The following FRAS1 variants were observed in gnomAD, a reference collection of about 807,000 sequenced individuals.
The protein encoded by FRAS1 is Fraser extracellular matrix complex subunit 1.
A neutral mutation model predicts 435.2 loss-of-function variants in FRAS1; 290 were observed. That is an observed-to-expected ratio of 0.67 (90% confidence interval 0.61 to 0.73). FRAS1 has a LOEUF of 0.73. FRAS1 is among the 30% of genes least tolerant of loss of function. The pLI, the probability that FRAS1 is intolerant of heterozygous loss-of-function variation, is 0.00. For synonymous variants in FRAS1, 1,800 were observed against 1,851.0 expected, an observed-to-expected ratio of 0.97 and a Z score of 0.71; for missense variants, 4,860 against 5,001.5, an observed-to-expected ratio of 0.97 and a Z score of 0.85.
Position 78,232,539 on chromosome 4 carries a change from C to T in FRAS1, c.109-4971C>T, listed in dbSNP as rs368456722. On this transcript the variant is annotated intron_variant, in intron 2 of 73. Transcript: ENST00000512123. ...TGACCTCGTGATCTGCCTGCCTCAG[C>T]CTCCCAAAGTGCTGGGATTACAGGC... 6.2e-4 allele frequency among the ~76,000 whole-genome samples: 94 copies of T among 152,266 alleles called. 2 individuals are homozygous for T. In the East Asian group the frequency reaches 0.01, roughly 16 times the overall value.
intron 2 of FRAS1, among the ~76,000 whole-genome samples, chr4:78,211,800 A>G (rs1723517070): frequency 6.6e-6 from 1 of 152,134 alleles, no homozygotes; most frequent in Non-Finnish European, 1.5e-5. Context: ...TATGTTTCTC[A>G]ATTTTTTAAA....
intron 38 of FRAS1, among the ~76,000 whole-genome samples, chr4:78,436,039 T>A (rs1483974964): frequency 6.6e-6 from 1 of 152,138 alleles, no homozygotes; most frequent in Non-Finnish European, 1.5e-5. Context: ...TTGACTATAT[T>A]AAAAATTAAA....
In FRAS1 at chr4:78,161,742, C is replaced by CAAAAAAAAAAAAAAAAAAAA. The variant is rs71214399; in HGVS notation, c.109-75757_109-75738dup. On this transcript the variant is annotated intron_variant, in intron 2 of 73. Transcript: ENST00000512123. ...GGGCAACAAGAGCAAAACTCTGTCT[C>CAAAAAAAAAAAAAAAAAAAA]AAAAAAAAAAAAAAAAAAAAAAAAA... 8.6e-3 allele frequency among the ~76,000 whole-genome samples: 214 copies of CAAAAAAAAAAAAAAAAAAAA among 24,928 alleles called. 4 individuals are homozygous for CAAAAAAAAAAAAAAAAAAAA. Among genetic ancestry groups the CAAAAAAAAAAAAAAAAAAAA allele is most frequent in the East Asian group, 0.016 (11 of 682 alleles). The allele number at this position is 24,928 out of a possible 152,430, so 16.4% of individuals were successfully genotyped here.
At chr4:78,447,201 G>T (rs1473919845) in intron 43 of FRAS1, among the ~76,000 whole-genome samples, 2 of 144,744 alleles carry the variant, frequency 1.4e-5, no homozygotes, top group African/African-American at 5.2e-5. Flanking sequence ...GTCTTCTCAG[G>T]GTAGACATCA....
chr4:78,131,451 T>C (rs1156428343), intron 2 of FRAS1, among the ~76,000 whole-genome samples: 1 of 152,242 alleles, frequency 6.6e-6, no homozygotes, highest in Non-Finnish European at 1.5e-5. Flanking sequence ...ACTATTTCTT[T>C]GGATAGCAAG....
chr4:78,128,302 G>T (rs550432018), intron 2 of FRAS1, among the ~76,000 whole-genome samples: 171 of 152,250 alleles, frequency 1.1e-3, no homozygotes, highest in Admixed American at 2.0e-3. Context: ...GGTATTTCTA[G>T]TTCTAGATCT....
At chr4:78,277,483 A>G (rs569702312) in intron 9 of FRAS1, among the ~76,000 whole-genome samples, 1 of 152,222 alleles carries the variant, frequency 6.6e-6, no homozygotes, top group East Asian at 1.9e-4. Context: ...TAGAAAGTAG[A>G]TATGTCTTTT....
chr4:78,491,287 C>T lies in FRAS1; in HGVS notation c.8958+2207C>T, dbSNP rs186615882. On this transcript the variant is annotated intron_variant, in intron 59 of 73. Transcript: ENST00000512123. ...ATTCCAAACAATAGAAAAAGAGGGA[C>T]TCCTTCCTAATTCATTTTATGAGGC... Among the ~76,000 whole-genome samples, 328 of 152,254 alleles carry T rather than the reference C, an allele frequency of 2.2e-3. 1 individual carries two copies. Among genetic ancestry groups the T allele is most frequent in the African/African-American group, 7.6e-3 (316 of 41,546 alleles).
chr4:78,343,125 T>A (rs989230070), intron 20 of FRAS1, among the ~76,000 whole-genome samples: 4 of 152,192 alleles, frequency 2.6e-5, no homozygotes, highest in African/African-American at 9.7e-5. Flanking sequence ...TTGACTCGGT[T>A]ACATAAAGGT....
Position 78,511,386 on chromosome 4 carries a change from G to C in FRAS1, c.9893G>C (p.Gly3298Ala). 1 of 1,613,954 alleles carries C rather than the reference G, an allele frequency of 6.2e-7. No individual in the cohort carries two copies. Among genetic ancestry groups the C allele is most frequent in the South Asian group, 1.1e-5 (1 of 91,080 alleles). Residue 3298 changes from glycine (G) to alanine (A), a missense_variant, in exon 64 of 74, where the codon GGA becomes GCA. Gly to Ala is a moderately conservative substitution (Grantham distance 60, BLOSUM62 0). Coordinates refer to ENST00000512123, the MANE Select transcript of FRAS1 (RefSeq NM_025074.7). ...TTAAGGAGCAACATTGTTACCATTGGAACAGACAGTGCTATCTGCCACACA... is the reference window on the plus strand; with the variant it reads ...TTAAGGAGCAACATTGTTACCATTGCAACAGACAGTGCTATCTGCCACACA... ...TPLRSNIVTI[G>A]TDSAICHTPV...
intron 2 of FRAS1, among the ~76,000 whole-genome samples, chr4:78,202,352 G>T (rs930987677): frequency 5.9e-5 from 9 of 152,160 alleles, no homozygotes; most frequent in African/African-American, 2.2e-4. Flanking sequence ...ACCTGGATTT[G>T]CATAAGCATC....
intron 7 of FRAS1, 119 bp downstream of exon 7, chr4:78,265,227 C>G: frequency 1.6e-6 from 1 of 611,972 alleles, no homozygotes; most frequent in Non-Finnish European, 2.9e-6. Context: ...GGAATAGTAA[C>G]TCAGTACATA....
At chr4:78,114,755 A>G (rs747073098) in intron 2 of FRAS1, among the ~76,000 whole-genome samples, 2 of 152,268 alleles carry the variant, frequency 1.3e-5, no homozygotes, top group East Asian at 1.9e-4. Context: ...TTCTAGATAT[A>G]CAGTCATGTC....
chr4:78,400,706 C>G (rs745752481), intron 29 of FRAS1, 28 bp from the exon 30 acceptor site: 5 of 1,604,798 alleles, frequency 3.1e-6, no homozygotes, highest in Non-Finnish European at 4.3e-6. Flanking sequence ...TTGCTTGGAA[C>G]TAATTCTGCA....
At chr4:78,466,719 A>C (rs1489992073) in intron 50 of FRAS1, among the ~76,000 whole-genome samples, 1 of 151,622 alleles carries the variant, frequency 6.6e-6, no homozygotes, top group African/African-American at 2.4e-5. Context: ...TCTTGTTGTT[A>C]GTATTACTGT....
rs1475161803 is a variant in FRAS1, at chr4:78,540,813, C to T, written c.11728C>T (p.Leu3910=). 3 of 1,613,934 alleles carry T rather than the reference C, an allele frequency of 1.9e-6. No individual in the cohort carries two copies. Among genetic ancestry groups the T allele is most frequent in the Non-Finnish European group, 2.5e-6 (3 of 1,179,838 alleles). The change falls in exon 74 of 74, where the codon CTG becomes TTG. Residue 3910 remains leucine (L), a synonymous_variant. Coordinates refer to ENST00000512123, the MANE Select transcript of FRAS1 (RefSeq NM_025074.7). ...SQTGASIGSA[L]AAIMLLLLVF... ...GACTGGGGCGTCCATTGGCAGTGCCCTGGCTGCAATCATGCTTCTACTTCT... is the reference window on the plus strand; with the variant it reads ...GACTGGGGCGTCCATTGGCAGTGCCTTGGCTGCAATCATGCTTCTACTTCT...
At chr4:78,141,778 T>A (rs1720196563) in intron 2 of FRAS1, among the ~76,000 whole-genome samples, 1 of 152,180 alleles carries the variant, frequency 6.6e-6, no homozygotes, top group Admixed American at 6.5e-5. Flanking sequence ...GTGGTATATA[T>A]ATACACGATG....
chr4:78,302,060 T>A (rs1728436129), intron 14 of FRAS1, among the ~76,000 whole-genome samples: 1 of 150,260 alleles, frequency 6.7e-6, no homozygotes, highest in South Asian at 2.2e-4. Flanking sequence ...TGTGTCCATG[T>A]GTTCTCATTG....
intron 10 of FRAS1, among the ~76,000 whole-genome samples, chr4:78,280,013 C>T (rs1265812512): frequency 6.6e-6 from 1 of 152,190 alleles, no homozygotes; most frequent in African/African-American, 2.4e-5. Flanking sequence ...GTAACTTTCA[C>T]AGTTTGAGAT....
Sources: gnomAD v4.1 joint callset for allele counts (sites outside exome capture counted in the v4.1 genomes callset) on GRCh38, gnomAD v4.1.1 for gene constraint, MANE v1.5 for transcripts, NCBI Gene and HGNC (gene_info 2026-07-23, HGNC 2026-07-21) for gene names.